The following PTPRM variants were observed in gnomAD, a reference collection of about 807,000 sequenced individuals.
PTPRM encodes protein tyrosine phosphatase receptor type M.
PTPRM carries 47 observed loss-of-function variants against 186.7 expected under a neutral mutation model. The ratio of observed to expected loss-of-function variants is 0.25; its 90% CI spans 0.20 to 0.32. PTPRM has a LOEUF of 0.32. PTPRM is among the 10% of genes least tolerant of loss of function. The pLI, the probability that PTPRM is intolerant of heterozygous loss-of-function variation, is 1.00. For missense variants in PTPRM, 1,494 were observed against 1,865.0 expected, an observed-to-expected ratio of 0.80 and a Z score of 3.66; for synonymous variants, 668 against 674.9, an observed-to-expected ratio of 0.99 and a Z score of 0.16.
chr18:8,355,144 T>C (rs888136912), intron 23 of PTPRM, among the ~76,000 whole-genome samples: 1 of 151,882 alleles, frequency 6.6e-6, no homozygotes, highest in African/African-American at 2.4e-5. Context: ...CTAAGACAAA[T>C]TAAGTGTGTC....
At chr18:7,764,306 G>A (rs1486564254) in intron 1 of PTPRM, among the ~76,000 whole-genome samples, 10 of 152,176 alleles carry the variant, frequency 6.6e-5, no homozygotes, top group African/African-American at 2.4e-4. Flanking sequence ...AAAAAGGTCA[G>A]TATATGCATG....
chr18:8,248,703 C>G (rs1056594133), intron 17 of PTPRM, among the ~76,000 whole-genome samples: 1 of 152,136 alleles, frequency 6.6e-6, no homozygotes, highest in Non-Finnish European at 1.5e-5. Context: ...CGGTGCCACT[C>G]AGGGCACCCC....
intron 19 of PTPRM, among the ~76,000 whole-genome samples, chr18:8,268,587 A>T (rs1767519189): frequency 6.6e-6 from 1 of 152,038 alleles, no homozygotes; most frequent in African/African-American, 2.4e-5. Context: ...TACAAGGCCG[A>T]TATTACCCTG....
chr18:7,762,047 C>T (rs931461924), intron 1 of PTPRM, among the ~76,000 whole-genome samples: 17 of 152,096 alleles, frequency 1.1e-4, no homozygotes, highest in Non-Finnish European at 2.9e-5. Flanking sequence ...TAATGAGTGG[C>T]AAACACCTTT....
intron 2 of PTPRM, among the ~76,000 whole-genome samples, chr18:7,816,541 C>T (rs759888197): frequency 4.6e-5 from 7 of 152,054 alleles, no homozygotes; most frequent in South Asian, 4.1e-4. Flanking sequence ...AATCTACATT[C>T]GTTAGTATTG....
chr18:8,118,953 C>A (rs1338100642), intron 13 of PTPRM, among the ~76,000 whole-genome samples: 1 of 151,284 alleles, frequency 6.6e-6, no homozygotes, highest in Non-Finnish European at 1.5e-5. Flanking sequence ...AGATTGGACA[C>A]CCCTGGTCTA....
At chr18:7,906,268 TTTCTAAGTTGGGG>T (rs1189694115) in intron 3 of PTPRM, among the ~76,000 whole-genome samples, 3 of 152,146 alleles carry the variant, frequency 2.0e-5, no homozygotes, top group Admixed American at 1.3e-4. Flanking sequence ...CACTATGGGT[TTTCTAAGTTGGGG>T]TTCTGTCTAA....
At chr18:7,846,406 T>C (rs1217063621) in intron 2 of PTPRM, among the ~76,000 whole-genome samples, 1 of 152,212 alleles carries the variant, frequency 6.6e-6, no homozygotes, top group African/African-American at 2.4e-5. Flanking sequence ...TTCAAACTCT[T>C]TTGACTGTTT....
chr18:8,038,554 G>T (rs2086489933), intron 7 of PTPRM, among the ~76,000 whole-genome samples: 1 of 151,990 alleles, frequency 6.6e-6, no homozygotes, highest in African/African-American at 2.4e-5. Context: ...GCCATGCCTG[G>T]CTAATTTTTG....
chr18:8,225,354 C>A (rs1457950321), intron 14 of PTPRM, among the ~76,000 whole-genome samples: 5 of 151,042 alleles, frequency 3.3e-5, no homozygotes, highest in African/African-American at 1.2e-4. Context: ...AGTATCTCAC[C>A]TTTGGCCAAT....
chr18:7,698,015 ATAGT>A (rs2039881461), intron 1 of PTPRM, among the ~76,000 whole-genome samples: 2 of 152,250 alleles, frequency 1.3e-5, no homozygotes, highest in Non-Finnish European at 2.9e-5. Context: ...ATGTGTACAA[ATAGT>A]TCGTGAGTTG....
intron 1 of PTPRM, among the ~76,000 whole-genome samples, chr18:7,605,018 A>G (rs1235034654): frequency 2.6e-5 from 4 of 152,216 alleles, no homozygotes; most frequent in African/African-American, 9.7e-5. Flanking sequence ...ATACAGAGAA[A>G]AAGTTTCAGT....
At chr18:7,872,152 G>C (rs2048014417) in intron 2 of PTPRM, among the ~76,000 whole-genome samples, 1 of 152,124 alleles carries the variant, frequency 6.6e-6, no homozygotes, top group African/African-American at 2.4e-5. Context: ...ATAAAATTCA[G>C]TTGTCAGCAT....
chr18:7,850,896 G>A (rs1338685500), intron 2 of PTPRM, among the ~76,000 whole-genome samples: 1 of 152,038 alleles, frequency 6.6e-6, no homozygotes, highest in East Asian at 1.9e-4. Flanking sequence ...TATACAAATA[G>A]GAACTCTTAG....
chr18:7,803,539 A>C (rs1167312413), intron 2 of PTPRM, among the ~76,000 whole-genome samples: 1 of 152,176 alleles, frequency 6.6e-6, no homozygotes, highest in Non-Finnish European at 1.5e-5. Context: ...TCTGGGGATT[A>C]AGACACGGAC....
chr18:7,626,898 G>A (rs1048928725), intron 1 of PTPRM, among the ~76,000 whole-genome samples: 3 of 152,052 alleles, frequency 2.0e-5, no homozygotes, highest in African/African-American at 4.8e-5. Context: ...ACAAGGTCTC[G>A]CTCTGTTGCT....
chr18:7,735,651 T>G (rs1216605877), intron 1 of PTPRM, among the ~76,000 whole-genome samples: 1 of 152,196 alleles, frequency 6.6e-6, no homozygotes, highest in South Asian at 2.1e-4. Context: ...GAATGTCTAT[T>G]AACATAACTA....
chr18:7,724,600 A>G (rs2040509530), intron 1 of PTPRM, among the ~76,000 whole-genome samples: 4 of 152,196 alleles, frequency 2.6e-5, no homozygotes. Flanking sequence ...CTAGCTGTGA[A>G]CCTGTTATTA....
chr18:7,836,477 C>A (rs554584791), intron 2 of PTPRM, among the ~76,000 whole-genome samples: 1 of 152,072 alleles, frequency 6.6e-6, no homozygotes, highest in South Asian at 2.1e-4. Flanking sequence ...ATTGTTAATT[C>A]TTTCTAATTA....
Sources: gnomAD v4.1 joint callset for allele counts (sites outside exome capture counted in the v4.1 genomes callset) on GRCh38, gnomAD v4.1.1 for gene constraint, MANE v1.5 for transcripts, NCBI Gene and HGNC (gene_info 2026-07-23, HGNC 2026-07-21) for gene names.